FAM53B: variants seen among roughly 807,000 people sequenced by gnomAD.
FAM53B encodes protein FAM53B.
Under a neutral mutation model 32.7 loss-of-function variants are expected in FAM53B, and 12 were observed. The observed-to-expected ratio is 0.37, with a 90% confidence interval of 0.24 to 0.59. The LOEUF is 0.59. Ranked by LOEUF, FAM53B falls within the 20% of genes least tolerant of loss-of-function variation. The probability of loss-of-function intolerance (pLI) is 0.72; values close to 1 mark genes in which losing one functional copy is unlikely to be tolerated. For missense variants in FAM53B, 477 were observed against 577.7 expected (o/e 0.83, Z 1.79); for synonymous variants, 234 against 228.7 (o/e 1.02, Z -0.21).
At chr10:124,731,178 G>T (rs528270234) in intron 1 of FAM53B, among the ~76,000 whole-genome samples, 1 of 152,338 alleles carries the variant, frequency 6.6e-6, no homozygotes, top group Non-Finnish European at 1.5e-5. Flanking sequence ...TCTCAGGGTG[G>T]TTATATGAAT....
Position 124,728,095 on chromosome 10 carries a change from C to A in FAM53B, c.-175+15918G>T, listed in dbSNP as rs374619641. ...AAGTTTCATCTTGGTTTGAAGATCT[C>A]CATGGACTCGCTTGGCTTCGCGATC... On this transcript the variant is annotated intron_variant, in intron 1 of 4. Coordinates refer to ENST00000337318, the MANE Select transcript of FAM53B (RefSeq NM_014661.4). 6.6e-5 allele frequency among the ~76,000 whole-genome samples: 10 copies of A among 152,298 alleles called. No individual in the cohort carries two copies. In the East Asian group the frequency reaches 9.7e-4, roughly 15 times the overall value.
At chr10:124,626,966 G>A (rs1949359785) in intron 4 of FAM53B, among the ~76,000 whole-genome samples, 1 of 152,250 alleles carries the variant, frequency 6.6e-6, no homozygotes, top group Non-Finnish European at 1.5e-5. Flanking sequence ...CTACAAGGAA[G>A]GGCTGGTGAA....
At chr10:124,702,809 T>G (rs924321340) in intron 2 of FAM53B, among the ~76,000 whole-genome samples, 1 of 151,946 alleles carries the variant, frequency 6.6e-6, no homozygotes, top group African/African-American at 2.4e-5. Flanking sequence ...CGGGGCCTGG[T>G]GGGGGGTGTT....
At chr10:124,664,935 T>C (rs1158592489) in intron 4 of FAM53B, among the ~76,000 whole-genome samples, 1 of 152,232 alleles carries the variant, frequency 6.6e-6, no homozygotes, top group Admixed American at 6.5e-5. Flanking sequence ...TCCTGATTTC[T>C]GACTCAGGTT....
chr10:124,653,704 T>C (rs934927828), intron 4 of FAM53B, among the ~76,000 whole-genome samples: 2 of 152,200 alleles, frequency 1.3e-5, no homozygotes, highest in African/African-American at 4.8e-5. Context: ...TCGCTTTCCT[T>C]GTCCACATGG....
intron 1 of FAM53B, among the ~76,000 whole-genome samples, chr10:124,708,563 A>C (rs1949977124): frequency 6.6e-6 from 1 of 152,084 alleles, no homozygotes; most frequent in Non-Finnish European, 1.5e-5. Flanking sequence ...ATTTCAGACC[A>C]CTCCTGCAAG....
chr10:124,703,118 C>T (rs1949926796), intron 2 of FAM53B, among the ~76,000 whole-genome samples: 1 of 152,066 alleles, frequency 6.6e-6, no homozygotes, highest in South Asian at 2.1e-4. Context: ...GATATCGGCT[C>T]ACTGCAAGCT....
At chr10:124,680,753 T>A (rs1322960576) in intron 4 of FAM53B, among the ~76,000 whole-genome samples, 1 of 152,172 alleles carries the variant, frequency 6.6e-6, no homozygotes, top group Non-Finnish European at 1.5e-5. Context: ...GGTCAGACCG[T>A]GGCATTAAGC....
intron 2 of FAM53B, 72 bp from the exon 3 acceptor site, chr10:124,696,284 C>G (rs1367841362): frequency 3.1e-6 from 4 of 1,270,936 alleles, no homozygotes; most frequent in Non-Finnish European, 4.6e-6. Flanking sequence ...CTACTGATCC[C>G]TTCTAAAGTC....
chr10:124,650,630 C>A (rs1949550220), intron 4 of FAM53B, among the ~76,000 whole-genome samples: 1 of 152,154 alleles, frequency 6.6e-6, no homozygotes, highest in Admixed American at 6.5e-5. Context: ...CACAGCGAAG[C>A]CGAGAGCTGA....
At chr10:124,671,082 TG>T in intron 4 of FAM53B, 1 of 438,744 alleles carries the variant, frequency 2.3e-6, no homozygotes, top group Non-Finnish European at 4.7e-6. Flanking sequence ...AGAGCCAGGC[TG>T]GGGGACAGAG....
chr10:124,671,243 C>CT (rs1442261393), intron 4 of FAM53B: 1 of 447,514 alleles, frequency 2.2e-6, no homozygotes, highest in Non-Finnish European at 4.6e-6. Flanking sequence ...ATCACCTTCC[C>CT]TTTCTGCGGG....
At chr10:124,696,883 C>T (rs1949876421) in intron 2 of FAM53B, among the ~76,000 whole-genome samples, 1 of 152,126 alleles carries the variant, frequency 6.6e-6, no homozygotes, top group Admixed American at 6.5e-5. Context: ...TTTCCCTTTC[C>T]ACTGCAAACA....
At chr10:124,638,095 C>T (rs529928392) in intron 4 of FAM53B, among the ~76,000 whole-genome samples, 34 of 152,264 alleles carry the variant, frequency 2.2e-4, no homozygotes, top group African/African-American at 7.7e-4. Flanking sequence ...CCGGGCCTGG[C>T]GCCATGGCTC....
chr10:124,689,463 G>C (rs1247284015), intron 3 of FAM53B, among the ~76,000 whole-genome samples: 1 of 152,240 alleles, frequency 6.6e-6, no homozygotes, highest in Non-Finnish European at 1.5e-5. Flanking sequence ...TTCAGGTCCT[G>C]CCCACGCACC....
chr10:124,630,055 GCC>G (rs1949380623), intron 4 of FAM53B, among the ~76,000 whole-genome samples: 1 of 152,238 alleles, frequency 6.6e-6, no homozygotes, highest in African/African-American at 2.4e-5. Flanking sequence ...CTGCTGCCCA[GCC>G]ACCTCCTGTG....
intron 1 of FAM53B, among the ~76,000 whole-genome samples, chr10:124,734,913 C>T (rs1324269144): frequency 1.3e-5 from 2 of 152,226 alleles, no homozygotes; most frequent in African/African-American, 4.8e-5. Flanking sequence ...GGACCCTTCC[C>T]TCTGTCCTCC....
chr10:124,631,969 G>A (rs1949393951), intron 4 of FAM53B, among the ~76,000 whole-genome samples: 1 of 152,174 alleles, frequency 6.6e-6, no homozygotes, highest in Non-Finnish European at 1.5e-5. Context: ...GCAGCCTGGG[G>A]GCAGAGGGTA....
intron 1 of FAM53B, among the ~76,000 whole-genome samples, chr10:124,715,712 A>T (rs1950035048): frequency 6.6e-6 from 1 of 152,220 alleles, no homozygotes; most frequent in Admixed American, 6.5e-5. Context: ...CGCTCAGCCC[A>T]GCTCAGTCCC....
Sources: gnomAD v4.1 joint callset for allele counts (sites outside exome capture counted in the v4.1 genomes callset) on GRCh38, gnomAD v4.1.1 for gene constraint, MANE v1.5 for transcripts, NCBI Gene and HGNC (gene_info 2026-07-23, HGNC 2026-07-21) for gene names.